Variants in TESK2 observed in about 807,000 individuals in gnomAD.
TESK2 encodes dual specificity testis-specific protein kinase 2.
TESK2 carries 39 observed loss-of-function variants against 57.1 expected under a neutral mutation model. The observed-to-expected ratio is 0.68, with a 90% CI of 0.53 to 0.89. TESK2 has a LOEUF of 0.89. Ranked by LOEUF, TESK2 falls within the 40% of genes least tolerant of loss-of-function variation. The pLI, the probability that TESK2 is intolerant of heterozygous loss-of-function variation, is 0.00. For missense variants in TESK2, 646 were observed against 732.1 expected, an observed-to-expected ratio of 0.88 and a Z score of 1.36; for synonymous variants, 249 against 267.9, an observed-to-expected ratio of 0.93 and a Z score of 0.69.
chr1:45,466,816 TC>T (rs1021575345), intron 1 of TESK2, among the ~76,000 whole-genome samples: 1 of 151,686 alleles, frequency 6.6e-6, no homozygotes, highest in African/African-American at 2.4e-5. Flanking sequence ...TCTCTACATC[TC>T]TAGTTCCCTA....
Position 45,385,932 on chromosome 1 carries a change from G to C in TESK2, c.373C>G (p.Gln125Glu), listed in dbSNP as rs1366823841. Residue 125 changes from glutamine (Q) to glutamate (E), a missense_variant, in exon 4 of 11, where the codon CAA becomes GAA. By Grantham distance (29) the Gln-to-Glu change is conservative. Coordinates refer to ENST00000372086, the MANE Select transcript of TESK2 (RefSeq NM_007170.3). ...RFMGVCVHQG[Q>E]LHALTEYINS... is the part of the protein sequence containing the mutation. Reference sequence around the variant, plus strand: ...CTTACCTCTGTAAGTGCATGCAATTGTCCTTGATGAACACATACACCCATG... The same window carrying C: ...CTTACCTCTGTAAGTGCATGCAATTCTCCTTGATGAACACATACACCCATG... The C allele has an allele frequency of 2.5e-6, 4 of 1,607,310 alleles. No homozygotes were observed. Among genetic ancestry groups the C allele is most frequent in the Non-Finnish European group, 2.5e-6 (3 of 1,176,490 alleles).
chr1:45,405,716 C>A lies in TESK2; in HGVS notation c.344+16009G>T, dbSNP rs190028539. Among the ~76,000 whole-genome samples the A allele has an allele frequency of 3.5e-3, 531 of 150,844 alleles. 7 individuals are homozygous for A. Among genetic ancestry groups the A allele is most frequent in the East Asian group, 0.031 (161 of 5,156 alleles). On this transcript the variant is annotated intron_variant, in intron 3 of 10. Transcript: ENST00000372086. ...ATCTACATATATATACACACACACA[C>A]AAAAATTAGCCAGGTGTGGTGGTGT...
intron 1 of TESK2, among the ~76,000 whole-genome samples, chr1:45,465,226 A>G (rs751510906): frequency 6.6e-6 from 1 of 151,178 alleles, no homozygotes; most frequent in Non-Finnish European, 1.5e-5. Context: ...ATAGAGCAAG[A>G]CTCCATCTCA....
At chr1:45,400,107 G>C (rs1272116969) in intron 3 of TESK2, among the ~76,000 whole-genome samples, 2 of 152,152 alleles carry the variant, frequency 1.3e-5, no homozygotes, top group African/African-American at 4.8e-5. Context: ...CTGGTCAGAA[G>C]ACTTTAAAAG....
chr1:45,354,640 A>G (rs1647329510), intron 5 of TESK2, among the ~76,000 whole-genome samples: 1 of 150,052 alleles, frequency 6.7e-6, no homozygotes, highest in Non-Finnish European at 1.5e-5. Context: ...AGACCAAAAT[A>G]CAGCCAGGCA....
In TESK2 at chr1:45,437,399, T is replaced by A. The variant is rs541277976; in HGVS notation, c.223-15553A>T. On this transcript the variant is annotated intron_variant, in intron 2 of 10. Coordinates refer to ENST00000372086, the MANE Select transcript of TESK2 (RefSeq NM_007170.3). ...AGAAATGCTGATTTTTGTGCATTGA[T>A]TTTTGAATCCTGTAACTTTACTGAA... Among the ~76,000 whole-genome samples, 3 of 152,356 alleles carry A rather than the reference T, an allele frequency of 2.0e-5. No homozygotes were observed. In the South Asian group the frequency reaches 6.2e-4, roughly 32 times the overall value.
At chr1:45,398,440 G>A (rs1177078777) in intron 3 of TESK2, among the ~76,000 whole-genome samples, 3 of 152,080 alleles carry the variant, frequency 2.0e-5, no homozygotes, top group African/African-American at 7.2e-5. Context: ...AGTTACTCAG[G>A]AGGCTGAGGC....
At chr1:45,488,077 CTAA>C (rs1468457387) in intron 1 of TESK2, among the ~76,000 whole-genome samples, 1 of 151,922 alleles carries the variant, frequency 6.6e-6, no homozygotes, top group Non-Finnish European at 1.5e-5. Flanking sequence ...CCACACCCAG[CTAA>C]TTTTTTAATT....
intron 2 of TESK2, among the ~76,000 whole-genome samples, chr1:45,433,263 G>C (rs952531866): frequency 1.3e-5 from 2 of 151,240 alleles, no homozygotes; most frequent in Non-Finnish European, 2.9e-5. Context: ...AATTTCAGTA[G>C]AGACAGGGTT....
At chr1:45,379,985 A>T (rs1210059621) in intron 4 of TESK2, among the ~76,000 whole-genome samples, 4 of 151,204 alleles carry the variant, frequency 2.6e-5, no homozygotes, top group Non-Finnish European at 5.9e-5. Flanking sequence ...TGCAACCTCC[A>T]CCTCCCAGGT....
intron 3 of TESK2, among the ~76,000 whole-genome samples, chr1:45,388,410 C>T (rs1380045299): frequency 6.6e-6 from 1 of 152,152 alleles, no homozygotes; most frequent in African/African-American, 2.4e-5. Context: ...AGCTACATTT[C>T]CTGCATGATT....
chr1:45,443,757 C>A (rs996209156), intron 2 of TESK2, among the ~76,000 whole-genome samples: 1 of 152,040 alleles, frequency 6.6e-6, no homozygotes, highest in African/African-American at 2.4e-5. Flanking sequence ...TTTAACCTGA[C>A]CTTTAAAGCT....
At position 45,347,692 on chromosome 1, in the gene TESK2, T is replaced by A; in HGVS notation, c.625A>T (p.Met209Leu). ...ACCACGGCCAGCTTCTCACTCCCCA[T>A]GCTGTGGGGTGAGATTATACAGAAA... ...GLAEKIPDVS[M>L]GSEKLAVVGS... Residue 209 changes from methionine (M) to leucine (L), a missense_variant and splice_region_variant, in exon 7 of 11, where the codon ATG becomes TTG. Physicochemically the swap from Met to Leu is conservative, Grantham distance 15. Coordinates refer to ENST00000372086, the MANE Select transcript of TESK2 (RefSeq NM_007170.3). The A allele has an allele frequency of 6.2e-7, 1 of 1,613,908 alleles. No individual in the cohort carries two copies. Among genetic ancestry groups the A allele is most frequent in the Non-Finnish European group, 8.5e-7 (1 of 1,179,804 alleles).
intron 4 of TESK2, among the ~76,000 whole-genome samples, chr1:45,368,665 G>A (rs1462701793): frequency 2.0e-5 from 3 of 148,662 alleles, no homozygotes; most frequent in African/African-American, 7.4e-5. Flanking sequence ...ATGAGCCACC[G>A]CACCCGGCTG....
intron 4 of TESK2, among the ~76,000 whole-genome samples, chr1:45,383,266 A>C (rs1190494294): frequency 6.6e-6 from 1 of 152,192 alleles, no homozygotes; most frequent in Non-Finnish European, 1.5e-5. Flanking sequence ...TGTGCTGCCA[A>C]GTCAAATTAT....
chr1:45,487,104 C>T (rs1013863982), intron 1 of TESK2, among the ~76,000 whole-genome samples: 9 of 152,070 alleles, frequency 5.9e-5, no homozygotes, highest in Non-Finnish European at 7.4e-5. Context: ...GCTGGGATTA[C>T]AGGTGTGAGC....
chr1:45,346,519 C>T (rs558316588), intron 9 of TESK2, among the ~76,000 whole-genome samples, 174 bp downstream of exon 9: 2 of 152,128 alleles, frequency 1.3e-5, no homozygotes, highest in Admixed American at 1.3e-4. Flanking sequence ...TTCCTTTGTC[C>T]AGAGCTCTGA....
At chr1:45,413,429 C>A (rs1280721100) in intron 3 of TESK2, among the ~76,000 whole-genome samples, 1 of 152,150 alleles carries the variant, frequency 6.6e-6, no homozygotes, top group Non-Finnish European at 1.5e-5. Flanking sequence ...CTCACTCCTG[C>A]TGGGCACACA....
chr1:45,385,215 C>T, intron 4 of TESK2: 1 of 372,622 alleles, frequency 2.7e-6, no homozygotes, highest in Non-Finnish European at 3.7e-6. Context: ...CCTATACAAA[C>T]CTATTAAACC....
Sources: gnomAD v4.1 joint callset for allele counts (sites outside exome capture counted in the v4.1 genomes callset) on GRCh38, gnomAD v4.1.1 for gene constraint, MANE v1.5 for transcripts, NCBI Gene and HGNC (gene_info 2026-07-23, HGNC 2026-07-21) for gene names.